TMEM108: variants seen among roughly 807,000 people sequenced by gnomAD.
The protein encoded by TMEM108 is cancer/testis antigen 124.
A neutral mutation model predicts 35.1 loss-of-function variants in TMEM108; 12 were observed. The observed-to-expected ratio is 0.34, with a 90% confidence interval of 0.22 to 0.55. TMEM108 has a LOEUF of 0.55. TMEM108 is among the 20% of genes least tolerant of loss of function. TMEM108 has a pLI of 0.89. For synonymous variants in TMEM108, 287 were observed against 308.6 expected, an observed-to-expected ratio of 0.93 and a Z score of 0.73; for missense variants, 680 against 753.3, an observed-to-expected ratio of 0.90 and a Z score of 1.14.
chr3:133,099,273 A>T (rs566755526), intron 2 of TMEM108, among the ~76,000 whole-genome samples: 1 of 152,276 alleles, frequency 6.6e-6, no homozygotes, highest in South Asian at 2.1e-4. Flanking sequence ...CAGCTGAGAC[A>T]CAGGTCACCA....
chr3:133,209,803 A>G (rs1945810669), intron 2 of TMEM108, among the ~76,000 whole-genome samples: 1 of 152,152 alleles, frequency 6.6e-6, no homozygotes, highest in Admixed American at 6.5e-5. Flanking sequence ...AATGATTTAG[A>G]GATGAGGGTG....
intron 3 of TMEM108, among the ~76,000 whole-genome samples, chr3:133,242,985 G>T (rs930553455): frequency 6.6e-6 from 1 of 152,186 alleles, no homozygotes; most frequent in African/African-American, 2.4e-5. Context: ...TGCCCACTTT[G>T]CCCAAAAGGC....
chr3:133,059,241 G>A (rs1390784429), intron 2 of TMEM108, among the ~76,000 whole-genome samples: 1 of 152,168 alleles, frequency 6.6e-6, no homozygotes, highest in Non-Finnish European at 1.5e-5. Context: ...AATTTTGGGG[G>A]AACACAAACA....
At chr3:133,154,749 A>G (rs1944853950) in intron 2 of TMEM108, among the ~76,000 whole-genome samples, 1 of 152,196 alleles carries the variant, frequency 6.6e-6, no homozygotes, top group African/African-American at 2.4e-5. Flanking sequence ...ATTAGGAGAT[A>G]TACCTAATGC....
At chr3:133,378,606 C>G (rs2072912248) in intron 3 of TMEM108, 1 of 928,372 alleles carries the variant, frequency 1.1e-6, no homozygotes, top group African/African-American at 1.8e-5. Context: ...GCCGTAGAGA[C>G]AGGCTCTTCC....
At chr3:133,041,208 A>G (rs1252442095) in intron 1 of TMEM108, among the ~76,000 whole-genome samples, 2 of 152,200 alleles carry the variant, frequency 1.3e-5, no homozygotes, top group African/African-American at 2.4e-5. Context: ...GGCTGGCTTT[A>G]TGTGGCTTCC....
chr3:133,137,323 T>C (rs1298418185), intron 2 of TMEM108, among the ~76,000 whole-genome samples: 1 of 152,222 alleles, frequency 6.6e-6, no homozygotes, highest in Non-Finnish European at 1.5e-5. Flanking sequence ...TGGCAAAATC[T>C]ATACCACGCT....
At chr3:133,111,830 C>T (rs1331881277) in intron 2 of TMEM108, among the ~76,000 whole-genome samples, 2 of 152,136 alleles carry the variant, frequency 1.3e-5, no homozygotes, top group African/African-American at 2.4e-5. Flanking sequence ...CAGCTATGCC[C>T]TTGACTGTCA....
Position 133,211,965 on chromosome 3 carries a change from G to T in TMEM108, c.-46-17301G>T, listed in dbSNP as rs1945839792. Among the ~76,000 whole-genome samples, 4 of 152,138 alleles carry T rather than the reference G, an allele frequency of 2.6e-5. No homozygotes were observed. In the South Asian group the frequency reaches 8.3e-4, roughly 32 times the overall value. On this transcript the variant is annotated intron_variant, in intron 2 of 5. Coordinates refer to ENST00000321871, the MANE Select transcript of TMEM108 (RefSeq NM_023943.4). Reference sequence around the variant, plus strand: ...TTAGAAAGGGAAATATGAAAGAGAAGAGCAGAAAGGAGCTCTATTACAGGT... The same window carrying T: ...TTAGAAAGGGAAATATGAAAGAGAATAGCAGAAAGGAGCTCTATTACAGGT...
intron 3 of TMEM108, among the ~76,000 whole-genome samples, chr3:133,298,597 G>A (rs1947177040): frequency 6.6e-6 from 1 of 152,074 alleles, no homozygotes; most frequent in Non-Finnish European, 1.5e-5. Context: ...TGCTTCCTGT[G>A]TATCAGGTAC....
intron 3 of TMEM108, among the ~76,000 whole-genome samples, chr3:133,234,807 A>G (rs561852846): frequency 5.9e-5 from 9 of 152,182 alleles, no homozygotes; most frequent in Non-Finnish European, 1.3e-4. Flanking sequence ...GAGGAAGTCA[A>G]ATTGTCCCTG....
Position 133,397,080 on chromosome 3 carries a change from C to T in TMEM108, c.*1094C>T, listed in dbSNP as rs1019181304. On this transcript the variant is annotated 3_prime_UTR_variant, in exon 6 of 6. Transcript: ENST00000321871. ...GACTTGCCATCCAGCTCTCAGCTTC[C>T]ACTGCTCCCCTTGTTCCCGGCCGGC... The T allele has an allele frequency of 6.6e-5, 10 of 152,218 alleles. No homozygotes were observed. The highest frequency in any genetic ancestry group is 2.4e-4 in the African/African-American group (10 of 41,446). The allele number at this position is 152,218 out of a possible 1,614,324, so 9.4% of individuals were successfully genotyped here.
chr3:133,237,244 G>A (rs955169019), intron 3 of TMEM108, among the ~76,000 whole-genome samples: 1 of 151,800 alleles, frequency 6.6e-6, no homozygotes, highest in Non-Finnish European at 1.5e-5. Flanking sequence ...ACCAGATTTT[G>A]CAATCCCAAA....
intron 2 of TMEM108, among the ~76,000 whole-genome samples, chr3:133,104,129 G>A (rs913186073): frequency 1.3e-5 from 2 of 150,430 alleles, no homozygotes; most frequent in Admixed American, 1.3e-4. Context: ...TTTAACAACT[G>A]TAACATGTCT....
intron 2 of TMEM108, among the ~76,000 whole-genome samples, chr3:133,188,375 G>A (rs1405676141): frequency 1.3e-5 from 2 of 151,070 alleles, no homozygotes. Context: ...AATGACATTT[G>A]TGGGTGGGTT....
chr3:133,056,693 A>G (rs1015746293), intron 2 of TMEM108, among the ~76,000 whole-genome samples: 21 of 152,068 alleles, frequency 1.4e-4, no homozygotes, highest in Non-Finnish European at 2.8e-4. Flanking sequence ...ACCTAATCCT[A>G]TCAGTGAGCA....
intron 3 of TMEM108, among the ~76,000 whole-genome samples, chr3:133,305,785 A>C (rs1000554518): frequency 6.6e-6 from 1 of 152,100 alleles, no homozygotes; most frequent in African/African-American, 2.4e-5. Context: ...ATTCTAGTGA[A>C]TATGAAGTGA....
intron 3 of TMEM108, among the ~76,000 whole-genome samples, chr3:133,316,126 C>T (rs533263539): frequency 1.3e-5 from 2 of 152,298 alleles, no homozygotes; most frequent in African/African-American, 4.8e-5. Flanking sequence ...TTCCATTCAT[C>T]ACACAAAATA....
At chr3:133,057,626 A>G (rs1943486683) in intron 2 of TMEM108, among the ~76,000 whole-genome samples, 1 of 151,692 alleles carries the variant, frequency 6.6e-6, no homozygotes, top group Non-Finnish European at 1.5e-5. Context: ...GGTTGTTTAA[A>G]TTTTGTGGTC....
Sources: allele counts gnomAD v4.1 joint callset (sites outside exome capture counted in the v4.1 genomes callset), GRCh38; gene constraint gnomAD v4.1.1; transcripts MANE v1.5; gene names NCBI Gene and HGNC (gene_info 2026-07-23, HGNC 2026-07-21).